Variants in SPOCK3 observed in about 807,000 individuals in gnomAD.
The protein encoded by SPOCK3 is SPARC (osteonectin), cwcv and kazal like domains proteoglycan 3, also known as testican-3.
Under a neutral mutation model 56.6 loss-of-function variants are expected in SPOCK3, and 30 were observed. The observed-to-expected ratio is 0.53, with a 90% CI of 0.40 to 0.72. The LOEUF is 0.72. Ranked by LOEUF, SPOCK3 falls within the 30% of genes least tolerant of loss-of-function variation. The pLI is 0.00. For synonymous variants in SPOCK3, 196 were observed against 183.3 expected (o/e 1.07, Z -0.56); for missense variants, 527 against 530.0 (o/e 0.99, Z 0.06).
At chr4:167,038,224 A>G (rs1451928950) in intron 3 of SPOCK3, among the ~76,000 whole-genome samples, 1 of 152,184 alleles carries the variant, frequency 6.6e-6, no homozygotes, top group African/African-American at 2.4e-5. Context: ...CTTACAACTC[A>G]GGTCCAGATA....
intron 3 of SPOCK3, among the ~76,000 whole-genome samples, chr4:167,036,250 G>C (rs1752741257): frequency 6.6e-6 from 1 of 152,090 alleles, no homozygotes; most frequent in Non-Finnish European, 1.5e-5. Context: ...TGGATATTTA[G>C]AACTGATCAT....
At chr4:166,915,187 C>A (rs1289851906) in intron 4 of SPOCK3, among the ~76,000 whole-genome samples, 1 of 152,018 alleles carries the variant, frequency 6.6e-6, no homozygotes, top group Non-Finnish European at 1.5e-5. Context: ...GAGATTTTTG[C>A]ATTTCCAGAC....
intron 2 of SPOCK3, among the ~76,000 whole-genome samples, chr4:167,089,820 A>G (rs1258880893): frequency 6.6e-6 from 1 of 152,104 alleles, no homozygotes; most frequent in Non-Finnish European, 1.5e-5. Flanking sequence ...GCCTTTGTGA[A>G]AACTGATCTG....
At chr4:166,945,046 T>C (rs1359790229) in intron 4 of SPOCK3, among the ~76,000 whole-genome samples, 1 of 152,346 alleles carries the variant, frequency 6.6e-6, no homozygotes, top group Non-Finnish European at 1.5e-5. Context: ...TCTTTTGATA[T>C]ACCACTATCA....
intron 6 of SPOCK3, among the ~76,000 whole-genome samples, chr4:166,878,442 C>T (rs568818232): frequency 8.6e-5 from 13 of 151,780 alleles, no homozygotes; most frequent in Non-Finnish European, 1.8e-4. Flanking sequence ...TCATAGGCAA[C>T]ATAGGCCAAT....
intron 3 of SPOCK3, among the ~76,000 whole-genome samples, chr4:167,045,205 C>T (rs1753604743): frequency 6.6e-6 from 1 of 152,060 alleles, no homozygotes; most frequent in Non-Finnish European, 1.5e-5. Flanking sequence ...ATTAATACCA[C>T]TACTTCTGCT....
At chr4:166,836,318 T>C (rs1034660342) in intron 6 of SPOCK3, among the ~76,000 whole-genome samples, 2 of 152,170 alleles carry the variant, frequency 1.3e-5, no homozygotes, top group African/African-American at 4.8e-5. Flanking sequence ...TCAACACGAT[T>C]TTATCATTTT....
chr4:167,206,141 T>C (rs1734308762), intron 2 of SPOCK3, among the ~76,000 whole-genome samples: 1 of 151,928 alleles, frequency 6.6e-6, no homozygotes, highest in African/African-American at 2.4e-5. Flanking sequence ...CTAGCTAATG[T>C]GGTGAAATTC....
At chr4:166,802,248 T>A (rs1027344134) in intron 6 of SPOCK3, among the ~76,000 whole-genome samples, 3 of 152,062 alleles carry the variant, frequency 2.0e-5, no homozygotes, top group African/African-American at 4.8e-5. Context: ...AAAGACTTTG[T>A]GAGAAAATAA....
chr4:167,146,447 T>C (rs966107724), intron 2 of SPOCK3, among the ~76,000 whole-genome samples: 2 of 152,138 alleles, frequency 1.3e-5, no homozygotes, highest in Non-Finnish European at 2.9e-5. Flanking sequence ...AACTCAGCTT[T>C]GGACCAAGCG....
intron 2 of SPOCK3, among the ~76,000 whole-genome samples, chr4:167,068,858 C>A (rs1465656473): frequency 6.6e-6 from 1 of 151,812 alleles, no homozygotes; most frequent in Non-Finnish European, 1.5e-5. Context: ...AAAGAGAAAC[C>A]TATTCAAAGC....
intron 6 of SPOCK3, among the ~76,000 whole-genome samples, chr4:166,864,104 A>C (rs375546775): frequency 2.0e-5 from 3 of 152,210 alleles, no homozygotes; most frequent in Admixed American, 1.3e-4. Flanking sequence ...GTGCAATCAA[A>C]TTAGAACTCA....
At chr4:166,755,556 A>T (rs1736959053) in intron 7 of SPOCK3, among the ~76,000 whole-genome samples, 2 of 152,116 alleles carry the variant, frequency 1.3e-5, no homozygotes, top group Non-Finnish European at 2.9e-5. Flanking sequence ...GTGAGCTCTC[A>T]TATGTATGTT....
intron 4 of SPOCK3, among the ~76,000 whole-genome samples, chr4:166,937,736 T>C (rs1472334307): frequency 1.4e-5 from 2 of 145,064 alleles, no homozygotes; most frequent in African/African-American, 2.5e-5. Flanking sequence ...AGATTATATA[T>C]ATTTTTTCTT....
chr4:167,087,203 C>T (rs1580250211), intron 2 of SPOCK3, among the ~76,000 whole-genome samples: 1 of 152,136 alleles, frequency 6.6e-6, no homozygotes, highest in African/African-American at 2.4e-5. Context: ...ACAGTTGTTA[C>T]TATAACTTCT....
chr4:166,948,173 T>C (rs947581438), intron 4 of SPOCK3, among the ~76,000 whole-genome samples: 2 of 152,236 alleles, frequency 1.3e-5, no homozygotes, highest in Non-Finnish European at 2.9e-5. Flanking sequence ...GTTTCATCCC[T>C]GTTATTGCAA....
At chr4:166,944,855 A>C (rs1200646460) in intron 4 of SPOCK3, among the ~76,000 whole-genome samples, 1 of 152,178 alleles carries the variant, frequency 6.6e-6, no homozygotes, top group Non-Finnish European at 1.5e-5. Context: ...TGGTGGAAGT[A>C]CTTTAAGACT....
intron 2 of SPOCK3, among the ~76,000 whole-genome samples, chr4:167,226,934 C>T (rs577963799): frequency 3.3e-5 from 5 of 152,132 alleles, no homozygotes; most frequent in African/African-American, 4.8e-5. Flanking sequence ...CTCTAACCAA[C>T]GCATTGGCAG....
intron 4 of SPOCK3, 44 bp from the exon 5 acceptor site, chr4:166,912,787 A>T (rs1234579242): frequency 2.6e-6 from 4 of 1,523,912 alleles, no homozygotes; most frequent in Non-Finnish European, 3.5e-6. Flanking sequence ...ATTTATTTTA[A>T]AATATACATT....
Sources: allele counts gnomAD v4.1 joint callset (sites outside exome capture counted in the v4.1 genomes callset), GRCh38; gene constraint gnomAD v4.1.1; transcripts MANE v1.5; gene names NCBI Gene and HGNC (gene_info 2026-07-23, HGNC 2026-07-21).